Variants in VWA8 observed in about 807,000 individuals in gnomAD.
VWA8 encodes von Willebrand factor A domain containing 8, also known as von Willebrand factor A domain-containing protein 8.
A neutral mutation model predicts 241.5 loss-of-function variants in VWA8; 221 were observed. The ratio of observed to expected loss-of-function variants is 0.91; its 90% CI spans 0.82 to 1.02. VWA8 has a LOEUF of 1.02. Among genes scored for constraint, VWA8 ranks in the 50% least tolerant of loss-of-function variants. The pLI is 0.00. For synonymous variants in VWA8, 852 were observed against 827.1 expected (o/e 1.03, Z -0.52); for missense variants, 2,322 against 2,328.7 (o/e 1.00, Z 0.06).
intron 21 of VWA8, among the ~76,000 whole-genome samples, chr13:41,738,469 T>C (rs1301165562): frequency 6.6e-6 from 1 of 152,166 alleles, no homozygotes; most frequent in Non-Finnish European, 1.5e-5. Context: ...CAAAATCTAC[T>C]TACCTCTACC....
chr13:41,901,646 T>C (rs1428634183), intron 4 of VWA8, among the ~76,000 whole-genome samples: 1 of 151,740 alleles, frequency 6.6e-6, no homozygotes, highest in African/African-American at 2.4e-5. Context: ...GGTATGCGGA[T>C]CACCTGAGGT....
chr13:41,929,728 C>T (rs1877016752), intron 2 of VWA8, among the ~76,000 whole-genome samples: 1 of 152,126 alleles, frequency 6.6e-6, no homozygotes, highest in Non-Finnish European at 1.5e-5. Context: ...TGAAATCAGA[C>T]CTTTAACCTA....
chr13:41,792,666 T>C (rs1001816193), intron 17 of VWA8, among the ~76,000 whole-genome samples: 2 of 152,036 alleles, frequency 1.3e-5, no homozygotes, highest in Non-Finnish European at 2.9e-5. Flanking sequence ...TTTTGACTAA[T>C]TATATCTAAA....
intron 20 of VWA8, 54 bp from the exon 21 acceptor site, chr13:41,761,258 C>T: frequency 6.5e-7 from 1 of 1,527,094 alleles, no homozygotes; most frequent in Non-Finnish European, 9.0e-7. Flanking sequence ...TGGAGATAAG[C>T]TTATGCCAAA....
intron 12 of VWA8, among the ~76,000 whole-genome samples, chr13:41,842,344 C>T (rs2138018398): frequency 1.3e-5 from 2 of 152,300 alleles, no homozygotes; most frequent in African/African-American, 4.8e-5. Flanking sequence ...ACTCTTCCAT[C>T]CTTCTCCCTC....
At chr13:41,896,868 C>A (rs1228029331) in intron 4 of VWA8, among the ~76,000 whole-genome samples, 2 of 152,020 alleles carry the variant, frequency 1.3e-5, no homozygotes, top group African/African-American at 2.4e-5. Flanking sequence ...ATGTAAATGG[C>A]TATGTTATTA....
chr13:41,693,936 G>T (rs1032952819), intron 29 of VWA8, among the ~76,000 whole-genome samples: 9 of 151,732 alleles, frequency 5.9e-5, no homozygotes, highest in Non-Finnish European at 1.2e-4. Context: ...TAAATGTGGG[G>T]CTCCTCCAGT....
chr13:41,601,901 G>T (rs1001176870), intron 40 of VWA8, among the ~76,000 whole-genome samples: 1 of 152,118 alleles, frequency 6.6e-6, no homozygotes, highest in East Asian at 1.9e-4. Flanking sequence ...CTCAAGTGAT[G>T]ATTTGCTAGT....
rs534204157 is a variant in VWA8, at chr13:41,665,932, C to T, written c.4611+5014G>A. On this transcript the variant is annotated intron_variant, in intron 37 of 44. Coordinates refer to ENST00000379310, the MANE Select transcript of VWA8 (RefSeq NM_015058.2). Reference sequence around the variant, plus strand: ...ATTTCTATTTTAAATATTAGTTTAACATTCTATAATTTTCATAATTTATAG... The same window carrying T: ...ATTTCTATTTTAAATATTAGTTTAATATTCTATAATTTTCATAATTTATAG... 2.6e-5 allele frequency among the ~76,000 whole-genome samples: 4 copies of T among 152,146 alleles called. No homozygotes were observed. In the South Asian group the frequency reaches 8.3e-4, roughly 32 times the overall value.
chr13:41,647,597 A>T (rs1283361912), intron 37 of VWA8, among the ~76,000 whole-genome samples: 1 of 152,208 alleles, frequency 6.6e-6, no homozygotes, highest in African/African-American at 2.4e-5. Context: ...GCATATGCTG[A>T]TACACAAAAC....
At chr13:41,947,943 A>C (rs1877931015) in intron 2 of VWA8, among the ~76,000 whole-genome samples, 1 of 148,504 alleles carries the variant, frequency 6.7e-6, no homozygotes, top group African/African-American at 2.5e-5. Context: ...AAAAAAAAAA[A>C]AAAAAAAAAA....
At chr13:41,754,697 T>C (rs1020760387) in intron 21 of VWA8, among the ~76,000 whole-genome samples, 1 of 152,152 alleles carries the variant, frequency 6.6e-6, no homozygotes, top group East Asian at 1.9e-4. Context: ...ACATCATATG[T>C]ATTCTATATA....
chr13:41,636,979 A>G, intron 37 of VWA8, among the ~76,000 whole-genome samples: 1 of 151,200 alleles, frequency 6.6e-6, no homozygotes, highest in East Asian at 1.9e-4. Flanking sequence ...ACTGTAAACT[A>G]GTTCAACCAT....
At position 41,778,119 on chromosome 13, in the gene VWA8, C is replaced by G. The variant is rs1868697887; in HGVS notation, c.2278-63G>C. The G allele has an allele frequency of 3.4e-6, 4 of 1,190,040 alleles. No individual in the cohort carries two copies. The Admixed American group carries it at 8.9e-5, about 26-fold the overall frequency. The allele number at this position is 1,190,040 out of a possible 1,614,324, so 73.7% of individuals were successfully genotyped here. A position where few individuals can be genotyped will look rare whatever the true frequency, so the allele number is the denominator to read the frequency against. On this transcript the variant is annotated intron_variant, in intron 19 of 44. Coordinates refer to ENST00000379310, the MANE Select transcript of VWA8 (RefSeq NM_015058.2). ...AATCAAGGTTAAATAAGAAAGTTAA[C>G]TATAAAGATATCTTTATAGAATATA... is the stretch of plus-strand genomic sequence containing the variant.
At chr13:41,758,403 T>TGGAATATATGGA (rs2045712341) in intron 21 of VWA8, among the ~76,000 whole-genome samples, 6 of 76,214 alleles carry the variant, frequency 7.9e-5, no homozygotes, top group African/African-American at 3.0e-4. Flanking sequence ...CGCTAGTATA[T>TGGAATATATGGA]ATATATATAT....
chr13:41,821,416 A>G (rs1295050965), intron 14 of VWA8, among the ~76,000 whole-genome samples: 2 of 152,170 alleles, frequency 1.3e-5, no homozygotes, highest in African/African-American at 4.8e-5. Context: ...TTACATACAA[A>G]TAGGTTACAT....
At chr13:41,610,502 G>C (rs894323221) in intron 39 of VWA8, among the ~76,000 whole-genome samples, 1 of 152,160 alleles carries the variant, frequency 6.6e-6, no homozygotes, top group Admixed American at 6.5e-5. Context: ...CTGAACCCTC[G>C]AGGGTCTGAG....
chr13:41,841,784 CAAAAAAAAAAAA>C (rs1166227706), intron 12 of VWA8, among the ~76,000 whole-genome samples: 440 of 33,366 alleles, frequency 0.013, 10 homozygotes, highest in East Asian at 0.023. Context: ...GACTCTGTCT[CAAAAAAAAAAAA>C]AAAAAAAAAA....
chr13:41,925,938 C>T, intron 2 of VWA8: 1 of 374,630 alleles, frequency 2.7e-6, no homozygotes, highest in Non-Finnish European at 5.3e-6. Context: ...ATATAGTCAC[C>T]AGCAGCCTGG....
Sources: gnomAD v4.1 joint callset for allele counts (sites outside exome capture counted in the v4.1 genomes callset) on GRCh38, gnomAD v4.1.1 for gene constraint, MANE v1.5 for transcripts, NCBI Gene and HGNC (gene_info 2026-07-23, HGNC 2026-07-21) for gene names.